Variants in CAMTA2 observed in about 807,000 individuals in gnomAD.
The protein encoded by CAMTA2 is calmodulin-binding transcription activator 2.
Under a neutral mutation model 135.7 loss-of-function variants are expected in CAMTA2, and 56 were observed. The observed-to-expected ratio is 0.41, with a 90% CI of 0.33 to 0.52. CAMTA2 has a LOEUF of 0.52. Among genes scored for constraint, CAMTA2 ranks in the 20% least tolerant of loss-of-function variants. The probability of loss-of-function intolerance (pLI) is 0.16; values close to 1 mark genes in which losing one functional copy is unlikely to be tolerated. For missense variants in CAMTA2, 1,358 were observed against 1,553.4 expected (o/e 0.87, Z 2.11); for synonymous variants, 591 against 604.6 (o/e 0.98, Z 0.33).
Position 4,969,696 on chromosome 17 carries a change from C to T in CAMTA2, c.3195G>A (p.Arg1065=). Residue 1065 remains arginine (R), a synonymous_variant, in exon 19 of 23, where the codon CGG becomes CGA. Coordinates refer to ENST00000348066, the MANE Select transcript of CAMTA2 (RefSeq NM_015099.4). This position sits in a 1 kb window ranked among gnomAD's most constrained non-coding sequence, Gnocchi z 5.6. ...IQTAFRKYKG[R]RLKEQQEVAA... is the part of the protein sequence containing the mutation. ...CTACCTCCTGCTGCTCCTTCAGCCG[C>T]CGGCCCTGAAGGGAGAGAAGTCTCA... is the stretch of plus-strand genomic sequence containing the variant. 1 of 1,613,908 alleles carries T rather than the reference C, an allele frequency of 6.2e-7. No homozygotes were observed.
intron 3 of CAMTA2, chr17:4,983,285 CTT>C: frequency 4.8e-6 from 2 of 418,138 alleles, no homozygotes; most frequent in Non-Finnish European, 4.4e-6. Flanking sequence ...TCCTGTGCCC[CTT>C]TTTTTTTCTT....
In CAMTA2 at chr17:4,968,648, A is replaced by T. The variant is rs2151153740; in HGVS notation, c.*108T>A. On this transcript the variant is annotated 3_prime_UTR_variant, in exon 23 of 23. Transcript: ENST00000348066. Reference sequence around the variant, plus strand: ...GGAGGCCTACAGAGGGCTCCAACAAAGGTGAACAGGAAAGCTGCCGACAGG... The same window carrying T: ...GGAGGCCTACAGAGGGCTCCAACAATGGTGAACAGGAAAGCTGCCGACAGG... The T allele has an allele frequency of 1.6e-6, 2 of 1,283,396 alleles. No individual in the cohort carries two copies. The highest frequency in any genetic ancestry group is 2.4e-5 in the South Asian group (2 of 82,932). The allele number at this position is 1,283,396 out of a possible 1,614,324, so 79.5% of individuals were successfully genotyped here.
At chr17:4,970,707 T>A (rs1010816485) in intron 16 of CAMTA2, among the ~76,000 whole-genome samples, 171 bp from the exon 17 acceptor site, 4 of 152,048 alleles carry the variant, frequency 2.6e-5, no homozygotes, top group Non-Finnish European at 4.4e-5. Context: ...CACTTGGGGG[T>A]CCCTCTGTGC....
intron 12 of CAMTA2, 160 bp from the exon 13 acceptor site, chr17:4,973,929 G>C (rs1972458500): frequency 3.2e-6 from 2 of 621,134 alleles, no homozygotes; most frequent in Non-Finnish European, 5.5e-6. Context: ...TGTGGCCTGT[G>C]TCTCTTGCTC....
chr17:4,979,576 C>T, intron 9 of CAMTA2, 108 bp downstream of exon 9: 1 of 599,834 alleles, frequency 1.7e-6, no homozygotes, highest in African/African-American at 1.9e-5. Flanking sequence ...GCCATGAAAA[C>T]TGAGGGAAAC....
chr17:4,977,237 CCTT>C, intron 10 of CAMTA2, 45 bp from the exon 11 acceptor site: 1 of 1,599,090 alleles, frequency 6.3e-7, no homozygotes. Flanking sequence ...TTCCCTGGCT[CCTT>C]CTCTGGCTAC....
At chr17:4,973,466 C>T (rs1972428807) in intron 13 of CAMTA2, 119 bp downstream of exon 13, 2 of 1,090,218 alleles carry the variant, frequency 1.8e-6, no homozygotes, top group Non-Finnish European at 2.6e-6. Context: ...AACCCCCTCC[C>T]TTCCCACAAT....
At position 4,986,249 on chromosome 17, in the gene CAMTA2, C is replaced by A. The variant is rs1365971290; in HGVS notation, c.-27G>T. The A allele has an allele frequency of 3.8e-6, 6 of 1,595,100 alleles. No homozygotes were observed. Among genetic ancestry groups the A allele is most frequent in the Non-Finnish European group, 5.1e-6 (6 of 1,166,240 alleles). ...GTGAGGGCTCCAGGGGGCAAGGTCA[C>A]CCCCGGCCTGAGGGGCCGGGGGGAG... On this transcript the variant is annotated 5_prime_UTR_variant, in exon 2 of 23. Coordinates refer to ENST00000348066, the MANE Select transcript of CAMTA2 (RefSeq NM_015099.4).
At position 4,987,577 on chromosome 17, in the gene CAMTA2, A is replaced by G; in HGVS notation, c.-65+16T>C. On this transcript the variant is annotated intron_variant, in intron 1 of 22. Coordinates refer to ENST00000348066, the MANE Select transcript of CAMTA2 (RefSeq NM_015099.4). Reference sequence around the variant, plus strand: ...GCGCGGGGGCGGAGAGGCGGGCGAGAGGCCCTGGCTCTTACCTCCCGGGGT... The same window carrying G: ...GCGCGGGGGCGGAGAGGCGGGCGAGGGGCCCTGGCTCTTACCTCCCGGGGT... 1 of 1,513,470 alleles carries G rather than the reference A, an allele frequency of 6.6e-7. No individual in the cohort carries two copies. Among genetic ancestry groups the G allele is most frequent in the East Asian group, 2.6e-5 (1 of 38,120 alleles). The allele number at this position is 1,513,470 out of a possible 1,614,324, so 93.8% of individuals were successfully genotyped here. A position where few individuals can be genotyped will look rare whatever the true frequency, so the allele number is the denominator to read the frequency against.
intron 1 of CAMTA2, 86 bp downstream of exon 1, chr17:4,987,507 T>G: frequency 7.0e-7 from 1 of 1,431,566 alleles, no homozygotes; most frequent in South Asian, 1.4e-5. Context: ...CGGTGGTCCC[T>G]GGCGCGGCGC....
At position 4,968,058 on chromosome 17, in the gene CAMTA2, C is replaced by G; in HGVS notation, c.*698G>C. On this transcript the variant is annotated 3_prime_UTR_variant, in exon 23 of 23. Transcript: ENST00000348066. Reference sequence around the variant, plus strand: ...AAGCCCATGCACAAGTAGAAAGTGCCCGTGGAGCCGGCAGGAGGCCCCCGC... The same window carrying G: ...AAGCCCATGCACAAGTAGAAAGTGCGCGTGGAGCCGGCAGGAGGCCCCCGC... The G allele has an allele frequency of 1.9e-6, 1 of 520,714 alleles. No individual in the cohort carries two copies. Among genetic ancestry groups the G allele is most frequent in the Admixed American group, 3.6e-5 (1 of 27,538 alleles). 32.3% of individuals were successfully genotyped at this position (520,714 alleles called of 1,614,324 possible).
In CAMTA2 at chr17:4,973,481, C is replaced by T. The variant is rs1041280406; in HGVS notation, c.2201+104G>A. 2.5e-6 allele frequency: 3 copies of T among 1,223,348 alleles called. No homozygotes were observed. The African/African-American group carries it at 4.5e-5, about 18-fold the overall frequency. 75.8% of individuals were successfully genotyped at this position (1,223,348 alleles called of 1,614,324 possible). On this transcript the variant is annotated intron_variant, in intron 13 of 22. Coordinates refer to ENST00000348066, the MANE Select transcript of CAMTA2 (RefSeq NM_015099.4). The stretch of plus-strand genomic sequence containing the variant: ...AACCCCCTCCCTTCCCACAATGACC[C>T]CAACTCCCTCTTGGTAGGGCCCCAG...
At chr17:4,974,197 AG>A in intron 12 of CAMTA2, 187 bp downstream of exon 12, 1 of 589,506 alleles carries the variant, frequency 1.7e-6, no homozygotes, top group Non-Finnish European at 3.0e-6. Context: ...TCATGCCAAG[AG>A]GGTGCCCAGA....
chr17:4,974,440 T>G lies in CAMTA2; in HGVS notation c.1961A>C (p.Glu654Ala), dbSNP rs1416600936. Residue 654 changes from glutamate to alanine, a missense_variant, in exon 12 of 23, where the codon GAG becomes GCG. Around this residue, in one of 4 missense-constraint regions of CAMTA2, gnomAD observed 1,077 missense variants for 1,127.5 expected, o/e 0.96. Coordinates refer to ENST00000348066, the MANE Select transcript of CAMTA2 (RefSeq NM_015099.4). ...RLEQMEKRMA[E>A]IAAAGQVPCQ... ...AGGCACCTGCCCAGCTGCTGCGATC[T>G]CTGCCATCCGCTTCTCCATCTGCTC... The G allele has an allele frequency of 1.9e-6, 3 of 1,613,896 alleles. No individual in the cohort carries two copies. Among genetic ancestry groups the G allele is most frequent in the Non-Finnish European group, 2.5e-6 (3 of 1,179,922 alleles).
At position 4,972,626 on chromosome 17, in the gene CAMTA2, C is replaced by T. The variant is rs1972366639; in HGVS notation, c.2504-90G>A. The T allele has an allele frequency of 2.7e-6, 4 of 1,481,878 alleles. No homozygotes were observed. In the South Asian group the frequency reaches 4.6e-5, roughly 17 times the overall value. 91.8% of individuals were successfully genotyped at this position (1,481,878 alleles called of 1,614,324 possible). A position where few individuals can be genotyped will look rare whatever the true frequency, so the allele number is the denominator to read the frequency against. On this transcript the variant is annotated intron_variant, in intron 15 of 22. Coordinates refer to ENST00000348066, the MANE Select transcript of CAMTA2 (RefSeq NM_015099.4). The stretch of plus-strand genomic sequence containing the variant: ...GCCTTCCCCATCCTGTTCTCGGTCC[C>T]CGTCTGTTCTTGCTTCTGTTATCTC...
rs920619519 is a variant in CAMTA2 at position 4,973,349 on chromosome 17, C to A, written c.2202-96G>T. On this transcript the variant is annotated intron_variant, in intron 13 of 22. Coordinates refer to ENST00000348066, the MANE Select transcript of CAMTA2 (RefSeq NM_015099.4). ...TAAAGGCACTAGGAGGCAAGCTGTA[C>A]AGGGCCGGTGGGAAGAGGCAGTCAA... 3 of 1,047,746 alleles carry A rather than the reference C, an allele frequency of 2.9e-6. No individual in the cohort carries two copies. In the Admixed American group the frequency reaches 5.3e-5, roughly 19 times the overall value. The allele number at this position is 1,047,746 out of a possible 1,614,324, so 64.9% of individuals were successfully genotyped here.
At chr17:4,986,939 C>T in intron 1 of CAMTA2, 1 of 1,520,976 alleles carries the variant, frequency 6.6e-7, no homozygotes, top group Non-Finnish European at 8.8e-7. Context: ...CCCCTGGCCT[C>T]CAGGCCTAGC....
In CAMTA2 at chr17:4,980,344, G is replaced by C; in HGVS notation, c.978C>G (p.Leu326=). Residue 326 remains leucine, a synonymous_variant, in exon 9 of 23, where the codon CTC becomes CTG. Coordinates refer to ENST00000348066, the MANE Select transcript of CAMTA2 (RefSeq NM_015099.4). The surrounding 1 kb of genome is among the most constrained non-coding windows in gnomAD (Gnocchi z 5.3). ...CCCGCTGCTCCAGTCCTGTCAGGAGGAGGATAGCAGTGCCTCCTCTTGAAG... is the reference window on the plus strand; with the variant it reads ...CCCGCTGCTCCAGTCCTGTCAGGAGCAGGATAGCAGTGCCTCCTCTTGAAG... ...GGSSRGGTAI[L]LLTGLEQRAG... The C allele has an allele frequency of 6.2e-7, 1 of 1,614,128 alleles. No homozygotes were observed. The highest frequency in any genetic ancestry group is 8.5e-7 in the Non-Finnish European group (1 of 1,179,968).
At position 4,969,320 on chromosome 17, in the gene CAMTA2, C is replaced by G; in HGVS notation, c.3300G>C (p.Lys1100Asn). The G allele has an allele frequency of 6.2e-7, 1 of 1,613,968 alleles. No homozygotes were observed. The highest frequency in any genetic ancestry group is 8.5e-7 in the Non-Finnish European group (1 of 1,179,970). The change falls in exon 21 of 23, where the codon AAG (lysine) becomes AAC (asparagine). Residue 1100 changes from lysine to asparagine, a missense_variant. Coordinates refer to ENST00000348066, the MANE Select transcript of CAMTA2 (RefSeq NM_015099.4). This position sits in a 1 kb window ranked among gnomAD's most constrained non-coding sequence, Gnocchi z 5.6. Reference sequence around the variant, plus strand: ...GGATCAGGATGGCCGCCTGGGTCATCTTCTTATAGAGTGCAAACTGCAGGG... The same window carrying G: ...GGATCAGGATGGCCGCCTGGGTCATGTTCTTATAGAGTGCAAACTGCAGGG... ...WIALKFALYKKMTQAAILIQS... is the reference protein window; with the variant it reads ...WIALKFALYKNMTQAAILIQS...
Sources: gnomAD v4.1 joint callset for allele counts (sites outside exome capture counted in the v4.1 genomes callset) on GRCh38, gnomAD v4.1.1 for gene constraint, gnomAD v4.1.1 regional missense constraint, Gnocchi (gnomAD v3.1) non-coding constraint, MANE v1.5 for transcripts, NCBI Gene and HGNC (gene_info 2026-07-23, HGNC 2026-07-21) for gene names.